C1QTNF3: variants seen among roughly 807,000 people sequenced by gnomAD.
C1QTNF3 encodes the protein complement C1q tumor necrosis factor-related protein 3.
C1QTNF3 carries 26 observed loss-of-function variants against 32.6 expected under a neutral mutation model. That is an observed-to-expected ratio of 0.80 (90% confidence interval 0.58 to 1.11). The LOEUF is 1.11. Ranked by LOEUF, C1QTNF3 falls within the 50% of genes least tolerant of loss-of-function variation. The probability of loss-of-function intolerance (pLI) is 0.00; values close to 1 mark genes in which losing one functional copy is unlikely to be tolerated. For synonymous variants in C1QTNF3, 155 were observed against 146.0 expected (o/e 1.06, Z -0.44); for missense variants, 362 against 398.2 (o/e 0.91, Z 0.77).
Position 34,019,163 on chromosome 5 carries a change from T to G in C1QTNF3, c.*1420A>C, listed in dbSNP as rs1157612303. Among the ~76,000 whole-genome samples, 1 of 152,178 alleles carries G rather than the reference T, an allele frequency of 6.6e-6. No homozygotes were observed. The highest frequency in any genetic ancestry group is 2.4e-5 in the African/African-American group (1 of 41,450). ...GATTTAGAATTTGCAAGTTTGTTTATTAGATGGTACATGTAAATTTCCTAT... is the reference window on the plus strand; with the variant it reads ...GATTTAGAATTTGCAAGTTTGTTTAGTAGATGGTACATGTAAATTTCCTAT... On this transcript the variant is annotated 3_prime_UTR_variant, in exon 6 of 6. Coordinates refer to ENST00000382065, the MANE Select transcript of C1QTNF3 (RefSeq NM_181435.6).
the C1QTNF3 span, among the ~76,000 whole-genome samples, chr5:34,102,685 G>A: frequency 2.0e-5 from 3 of 152,282 alleles, no homozygotes; most frequent in East Asian, 5.8e-4. Flanking sequence ...ATGAGTTCAT[G>A]TCCTTTGTAG....
the C1QTNF3 span, among the ~76,000 whole-genome samples, chr5:34,087,347 G>T: frequency 1.3e-5 from 2 of 151,794 alleles, no homozygotes; most frequent in Middle Eastern, 3.2e-3. Flanking sequence ...AAATGAAAAA[G>T]TTCATGGACA....
chr5:34,040,724 G>A (rs1025408713), intron 1 of C1QTNF3, among the ~76,000 whole-genome samples: 4 of 151,776 alleles, frequency 2.6e-5, no homozygotes, highest in Non-Finnish European at 5.9e-5. Flanking sequence ...GTAATGTCCC[G>A]TCGTCCCCCC....
chr5:34,219,051 T>C, the C1QTNF3 span, among the ~76,000 whole-genome samples: 5 of 152,128 alleles, frequency 3.3e-5, no homozygotes, highest in African/African-American at 1.2e-4. Flanking sequence ...AGAAATATAT[T>C]TTGAATACTT....
At chr5:34,124,657 G>T in the C1QTNF3 span, 6 of 456,032 alleles carry the variant, frequency 1.3e-5, no homozygotes, top group Non-Finnish European at 1.2e-5. Flanking sequence ...CAACATTGGG[G>T]ATTACAGTTC....
the C1QTNF3 span, among the ~76,000 whole-genome samples, chr5:34,220,418 TTC>T: frequency 2.6e-5 from 4 of 151,940 alleles, no homozygotes; most frequent in Non-Finnish European, 4.4e-5. Context: ...TTTCACCCAG[TTC>T]CAGACAAACC....
intron 1 of C1QTNF3, among the ~76,000 whole-genome samples, chr5:34,040,317 G>C (rs1407520350): frequency 6.6e-6 from 1 of 152,088 alleles, no homozygotes; most frequent in Non-Finnish European, 1.5e-5. Context: ...CTAGGGGTAG[G>C]GATGCAGAAC....
chr5:34,064,283 C>T, the C1QTNF3 span, among the ~76,000 whole-genome samples: 3 of 152,182 alleles, frequency 2.0e-5, no homozygotes, highest in Admixed American at 6.5e-5. Flanking sequence ...AATACCCATA[C>T]GGGCCACCAG....
At chr5:34,155,570 T>C in the C1QTNF3 span, among the ~76,000 whole-genome samples, 3 of 152,140 alleles carry the variant, frequency 2.0e-5, no homozygotes, top group South Asian at 2.1e-4. Flanking sequence ...TATTGACAGA[T>C]AGAATTTTCC....
the C1QTNF3 span, among the ~76,000 whole-genome samples, chr5:34,077,364 T>C: frequency 2.0e-5 from 3 of 151,638 alleles, no homozygotes; most frequent in Non-Finnish European, 4.4e-5. Flanking sequence ...TTTTACTAAA[T>C]TGTTGATTTT....
the C1QTNF3 span, among the ~76,000 whole-genome samples, chr5:34,066,950 C>T: frequency 6.6e-6 from 1 of 152,096 alleles, no homozygotes; most frequent in African/African-American, 2.4e-5. Flanking sequence ...GCACTCAAGT[C>T]ACCTCTTGAA....
At chr5:34,168,969 A>C in the C1QTNF3 span, 1 of 152,146 alleles carries the variant, frequency 6.6e-6, no homozygotes, top group Non-Finnish European at 1.5e-5. Flanking sequence ...CATCCTCATA[A>C]ATGAATTAAT....
the C1QTNF3 span, among the ~76,000 whole-genome samples, chr5:34,225,949 T>C: frequency 1.3e-5 from 2 of 152,102 alleles, no homozygotes; most frequent in Admixed American, 1.3e-4. Context: ...TAATTTTATC[T>C]CCTATTTAAT....
the C1QTNF3 span, among the ~76,000 whole-genome samples, chr5:34,180,573 A>C: frequency 8.5e-5 from 13 of 152,196 alleles, no homozygotes; most frequent in African/African-American, 3.1e-4. Context: ...GGTGGCAGGA[A>C]TTGGGCACTC....
chr5:34,056,479 T>G, the C1QTNF3 span, among the ~76,000 whole-genome samples: 610 of 51,774 alleles, frequency 0.012, 19 homozygotes, highest in Admixed American at 0.029. Context: ...TATATATATA[T>G]AGAGAGAGAG....
At chr5:34,030,626 C>T (rs193129838) in intron 3 of C1QTNF3, among the ~76,000 whole-genome samples, 59 of 152,188 alleles carry the variant, frequency 3.9e-4, no homozygotes, top group African/African-American at 1.3e-3. Flanking sequence ...GAGACAATTC[C>T]GCCTGTCAAG....
At chr5:34,024,070 A>C in intron 4 of C1QTNF3, 62 bp from the exon 5 acceptor site, 3 of 1,302,844 alleles carry the variant, frequency 2.3e-6, no homozygotes, top group Non-Finnish European at 3.3e-6. Flanking sequence ...GGACCTGGAG[A>C]TACCTGGAGA....
At chr5:34,068,732 T>A in the C1QTNF3 span, among the ~76,000 whole-genome samples, 2 of 152,146 alleles carry the variant, frequency 1.3e-5, no homozygotes, top group Admixed American at 1.3e-4. Context: ...CTGTATAATG[T>A]AAGAAATGAG....
At chr5:34,168,220 G>A in the C1QTNF3 span, 6 of 152,032 alleles carry the variant, frequency 3.9e-5, no homozygotes, top group African/African-American at 7.2e-5. Flanking sequence ...GGATTTATTC[G>A]TGATAAGAGT....
Sources: allele counts gnomAD v4.1 joint callset (sites outside exome capture counted in the v4.1 genomes callset), GRCh38; gene constraint gnomAD v4.1.1; transcripts MANE v1.5; gene names NCBI Gene and HGNC (gene_info 2026-07-23, HGNC 2026-07-21).